The following AFG2A variants were observed in gnomAD, a reference collection of about 807,000 sequenced individuals.
AFG2A encodes the protein ATPase family gene 2 protein homolog A.
chr4:122,945,141 C>T, the AFG2A span, among the ~76,000 whole-genome samples: 7 of 152,208 alleles, frequency 4.6e-5, no homozygotes, highest in Non-Finnish European at 8.8e-5. Flanking sequence ...CAGCTGCGTG[C>T]TGGGAGAACC....
At chr4:123,069,714 A>G in the AFG2A span, among the ~76,000 whole-genome samples, 24 of 152,194 alleles carry the variant, frequency 1.6e-4, no homozygotes, top group Non-Finnish European at 1.9e-4. Flanking sequence ...AAGTATAAAC[A>G]TATTCTTATC....
the AFG2A span, among the ~76,000 whole-genome samples, chr4:122,955,422 A>G: frequency 1.3e-5 from 2 of 152,306 alleles, no homozygotes; most frequent in South Asian, 4.1e-4. Flanking sequence ...AAAAATATCA[A>G]TTAAATTTCA....
the AFG2A span, among the ~76,000 whole-genome samples, chr4:122,924,511 C>T: frequency 6.6e-6 from 1 of 152,186 alleles, no homozygotes; most frequent in Non-Finnish European, 1.5e-5. Context: ...TGTTGTCAAA[C>T]TTGCCTGGTT....
chr4:123,125,447 A>G, the AFG2A span, among the ~76,000 whole-genome samples: 2 of 152,136 alleles, frequency 1.3e-5, no homozygotes, highest in Non-Finnish European at 2.9e-5. Context: ...TTTTTTGCCT[A>G]AAGTTAATTG....
At chr4:123,253,359 C>A in the AFG2A span, among the ~76,000 whole-genome samples, 1 of 152,062 alleles carries the variant, frequency 6.6e-6, no homozygotes. Context: ...TGGTGGGCGC[C>A]TGTAATCCCA....
At chr4:123,101,263 G>A in the AFG2A span, among the ~76,000 whole-genome samples, 1 of 151,994 alleles carries the variant, frequency 6.6e-6, no homozygotes, top group Admixed American at 6.6e-5. Context: ...CTCCTAAAGA[G>A]AAACTAGATG....
chr4:123,234,587 T>C, the AFG2A span, among the ~76,000 whole-genome samples: 1 of 152,168 alleles, frequency 6.6e-6, no homozygotes, highest in Admixed American at 6.6e-5. Context: ...AGTTTAGAAA[T>C]GGAAGAATTT....
At chr4:123,304,422 G>C in the AFG2A span, among the ~76,000 whole-genome samples, 1 of 152,116 alleles carries the variant, frequency 6.6e-6, no homozygotes, top group Non-Finnish European at 1.5e-5. Context: ...TAATCCCTCA[G>C]ACACACAGAG....
chr4:123,063,744 A>C, the AFG2A span, among the ~76,000 whole-genome samples: 3 of 140,566 alleles, frequency 2.1e-5, no homozygotes, highest in South Asian at 6.5e-4. Flanking sequence ...AGACTGTCTC[A>C]AAAAAAAAAA....
chr4:123,252,126 A>G, the AFG2A span, among the ~76,000 whole-genome samples: 1 of 152,174 alleles, frequency 6.6e-6, no homozygotes, highest in Non-Finnish European at 1.5e-5. Context: ...AAATTCCTTC[A>G]TATAGAAACC....
the AFG2A span, among the ~76,000 whole-genome samples, chr4:123,038,106 C>T: frequency 6.6e-6 from 1 of 151,956 alleles, no homozygotes; most frequent in Non-Finnish European, 1.5e-5. Flanking sequence ...CCAATGGTGG[C>T]CAAATATTTG....
At chr4:123,145,735 T>A in the AFG2A span, among the ~76,000 whole-genome samples, 1 of 152,110 alleles carries the variant, frequency 6.6e-6, no homozygotes, top group Non-Finnish European at 1.5e-5. Context: ...TTTTATAGAT[T>A]AGGAAACTGA....
At chr4:123,171,929 T>C in the AFG2A span, among the ~76,000 whole-genome samples, 2 of 152,174 alleles carry the variant, frequency 1.3e-5, no homozygotes, top group Non-Finnish European at 2.9e-5. Flanking sequence ...TCCATTCTTA[T>C]TAAAATTAAG....
chr4:122,949,472 G>C, the AFG2A span, among the ~76,000 whole-genome samples: 2 of 152,162 alleles, frequency 1.3e-5, no homozygotes, highest in African/African-American at 4.8e-5. Flanking sequence ...TGGCATGGCA[G>C]GCCCACAGCG....
chr4:123,316,680 G>A, the AFG2A span: 4 of 152,194 alleles, frequency 2.6e-5, no homozygotes, highest in East Asian at 5.8e-4. Context: ...CTCTGGTGCA[G>A]GAGGCTGGGT....
At chr4:123,256,731 T>C in the AFG2A span, 2 of 985,342 alleles carry the variant, frequency 2.0e-6, no homozygotes, top group African/African-American at 1.7e-5. Context: ...CCCTTACCTC[T>C]GAAGATAAAC....
chr4:123,282,022 A>T, the AFG2A span, among the ~76,000 whole-genome samples: 2 of 152,140 alleles, frequency 1.3e-5, no homozygotes, highest in Admixed American at 1.3e-4. Flanking sequence ...ACATCTCACT[A>T]TATACTTGAC....
the AFG2A span, among the ~76,000 whole-genome samples, chr4:122,960,267 A>G: frequency 6.6e-6 from 1 of 152,234 alleles, no homozygotes; most frequent in Admixed American, 6.5e-5. Flanking sequence ...CTCAAAATTT[A>G]TAATGTTTTA....
the AFG2A span, among the ~76,000 whole-genome samples, chr4:123,038,943 TCAAA>T: frequency 6.6e-6 from 1 of 152,120 alleles, no homozygotes; most frequent in Non-Finnish European, 1.5e-5. Context: ...TTTCACATTT[TCAAA>T]CAAAGTATCA....
Sources: gnomAD v4.1 joint callset for allele counts (sites outside exome capture counted in the v4.1 genomes callset) on GRCh38, gnomAD v4.1.1 for gene constraint, MANE v1.5 for transcripts, NCBI Gene and HGNC (gene_info 2026-07-23, HGNC 2026-07-21) for gene names.